Variants in DNAI4 observed in about 807,000 individuals in gnomAD.
The protein encoded by DNAI4 is dynein axonemal intermediate chain 4, also known as WD repeat domain 78.
In DNAI4, 85 loss-of-function variants were observed where a neutral mutation model predicts 105.8. The ratio of observed to expected loss-of-function variants is 0.80; its 90% CI spans 0.67 to 0.96. DNAI4 has a LOEUF of 0.96. Among genes scored for constraint, DNAI4 ranks in the 40% least tolerant of loss-of-function variants. The probability of loss-of-function intolerance (pLI) is 0.00; values close to 1 mark genes in which losing one functional copy is unlikely to be tolerated. For synonymous variants in DNAI4, 352 were observed against 331.5 expected (o/e 1.06, Z -0.67); for missense variants, 1,014 against 1,005.6 (o/e 1.01, Z -0.11).
At chr1:66,909,398 A>C (rs1349961819) in intron 1 of DNAI4, among the ~76,000 whole-genome samples, 1 of 150,496 alleles carries the variant, frequency 6.6e-6, no homozygotes, top group Non-Finnish European at 1.5e-5. Context: ...AGGTCCAATC[A>C]CCTCCACAAT....
intron 7 of DNAI4, among the ~76,000 whole-genome samples, chr1:66,849,162 T>C (rs934383344): frequency 6.6e-6 from 1 of 151,812 alleles, no homozygotes; most frequent in Non-Finnish European, 1.5e-5. Context: ...TGGTGAAGAG[T>C]CAAAACTTTT....
chr1:66,911,558 T>G (rs917417265), intron 1 of DNAI4, among the ~76,000 whole-genome samples: 1 of 152,198 alleles, frequency 6.6e-6, no homozygotes, highest in Non-Finnish European at 1.5e-5. Context: ...TAGAAGGTAC[T>G]AGTCATGGTC....
intron 13 of DNAI4, among the ~76,000 whole-genome samples, chr1:66,832,477 C>T (rs1264316334): frequency 1.3e-5 from 2 of 152,024 alleles, no homozygotes; most frequent in African/African-American, 4.8e-5. Context: ...CAAAGTATCT[C>T]CAGACTGATA....
In DNAI4 at chr1:66,837,733, A is replaced by G; in HGVS notation, c.1558T>C (p.Cys520Arg). The part of the protein sequence containing the change: ...FKEQKRGLAC[C>R]WSIKNPMWPE... ...ACCATGGGATTCTTTATTGACCAGC[A>G]GCAAGCCAGTCCTCTTTTTTGCTCT... Residue 520 changes from cysteine to arginine, a missense_variant, in exon 10 of 17, where the codon TGC becomes CGC. Physicochemically the swap from Cys to Arg is radical, Grantham distance 180. Transcript: ENST00000371026. The G allele has an allele frequency of 6.2e-7, 1 of 1,610,362 alleles. No homozygotes were observed. The highest frequency in any genetic ancestry group is 1.1e-5 in the South Asian group (1 of 89,614).
At chr1:66,819,900 C>CT (rs955324319) in intron 16 of DNAI4, among the ~76,000 whole-genome samples, 74 of 151,794 alleles carry the variant, frequency 4.9e-4, no homozygotes, top group Middle Eastern at 3.4e-3. Context: ...ATCATAGAGA[C>CT]TTTTTTTTTA....
intron 7 of DNAI4, among the ~76,000 whole-genome samples, chr1:66,860,366 CT>C (rs145528075): frequency 2.0e-5 from 3 of 151,686 alleles, no homozygotes; most frequent in Non-Finnish European, 4.4e-5. Context: ...CCATATTTAA[CT>C]TTTTTTTCCT....
intron 1 of DNAI4, among the ~76,000 whole-genome samples, chr1:66,914,029 C>A (rs536527466): frequency 6.7e-6 from 1 of 150,218 alleles, no homozygotes; most frequent in East Asian, 1.9e-4. Context: ...TGGTGACACA[C>A]AGTGGAGTCC....
At chr1:66,896,548 G>A (rs950662520) in intron 2 of DNAI4, among the ~76,000 whole-genome samples, 1 of 152,154 alleles carries the variant, frequency 6.6e-6, no homozygotes, top group South Asian at 2.1e-4. Context: ...ACTTTGGAAG[G>A]TGACTGTGTA....
In DNAI4 at chr1:66,826,837, C is replaced by T. The variant is rs1322334832; in HGVS notation, c.2322G>A (p.Trp774Ter). ...TAACTTACGTGCTGATATGAAGGTC[C>T]CAAATCTCCACCCTGTTCTCATTTG... ...AAANENRVEI[W>*]DLHISTLDPL... is the part of the protein sequence containing the mutation. Residue 774 changes from tryptophan (W) to a stop codon, truncating the protein, a stop_gained, in exon 15 of 17, where the codon TGG (tryptophan) becomes TGA (stop). Transcript: ENST00000371026. LOFTEE classifies it high-confidence loss of function. The T allele has an allele frequency of 6.2e-7, 1 of 1,613,748 alleles. No individual in the cohort carries two copies. Among genetic ancestry groups the T allele is most frequent in the African/African-American group, 1.3e-5 (1 of 74,824 alleles).
At chr1:66,896,261 A>T (rs181672438) in intron 2 of DNAI4, among the ~76,000 whole-genome samples, 9 of 152,326 alleles carry the variant, frequency 5.9e-5, no homozygotes, top group Admixed American at 5.2e-4. Flanking sequence ...GTAATTTTTT[A>T]AAAGCTTTTT....
chr1:66,857,657 C>G (rs189413768), intron 7 of DNAI4, among the ~76,000 whole-genome samples: 7 of 151,958 alleles, frequency 4.6e-5, no homozygotes, highest in African/African-American at 1.7e-4. Flanking sequence ...GCCTCAGCCT[C>G]CCGAATAGCT....
chr1:66,920,531 C>T (rs1386843952), intron 1 of DNAI4, among the ~76,000 whole-genome samples: 1 of 152,130 alleles, frequency 6.6e-6, no homozygotes, highest in East Asian at 1.9e-4. Context: ...CGTGGATACC[C>T]TCCCCTAGAT....
At chr1:66,892,767 T>G (rs113244112) in intron 3 of DNAI4, among the ~76,000 whole-genome samples, 4 of 151,284 alleles carry the variant, frequency 2.6e-5, no homozygotes, top group African/African-American at 9.7e-5. Context: ...ATTAGCCAGG[T>G]GTAGTGGGGG....
At chr1:66,920,650 C>T (rs1000113140) in intron 1 of DNAI4, among the ~76,000 whole-genome samples, 1 of 152,100 alleles carries the variant, frequency 6.6e-6, no homozygotes, top group East Asian at 1.9e-4. Context: ...GGTGGAGCAG[C>T]GAGTGAGTGG....
intron 1 of DNAI4, among the ~76,000 whole-genome samples, chr1:66,913,997 A>G (rs1024295424): frequency 4.6e-5 from 7 of 151,964 alleles, no homozygotes; most frequent in African/African-American, 1.7e-4. Flanking sequence ...AAAAAAAAAA[A>G]AAGAAGGTGG....
intron 7 of DNAI4, among the ~76,000 whole-genome samples, chr1:66,855,282 T>C (rs1381160999): frequency 6.6e-6 from 1 of 152,218 alleles, no homozygotes; most frequent in Non-Finnish European, 1.5e-5. Context: ...TTGCCCATGT[T>C]TTCCCCATCA....
chr1:66,905,021 T>A (rs1649131769), intron 2 of DNAI4, 180 bp downstream of exon 2: 2 of 453,350 alleles, frequency 4.4e-6, no homozygotes, highest in Non-Finnish European at 7.6e-6. Context: ...CAATAACTAG[T>A]TATAGGAGCC....
rs748648195 is a variant in DNAI4, at chr1:66,924,705, G to A, written c.127C>T (p.Pro43Ser). 4 of 1,614,220 alleles carry A rather than the reference G, an allele frequency of 2.5e-6. No individual in the cohort carries two copies. The Admixed American group carries it at 6.7e-5, about 27-fold the overall frequency. ...TTGTGACTGCCTGCCGGAGAGACTG[G>A]CATGGTGGCGACCAGCTGGGGAGTG... The part of the protein sequence containing the change: ...CTTPQLVATM[P>S]VSPAGSHKQQ... Residue 43 changes from proline (P) to serine (S), a missense_variant, in exon 1 of 17, where the codon CCA becomes TCA. Coordinates refer to ENST00000371026, the MANE Select transcript of DNAI4 (RefSeq NM_024763.5).
chr1:66,881,648 C>T (rs1287484090), intron 4 of DNAI4, among the ~76,000 whole-genome samples: 1 of 152,196 alleles, frequency 6.6e-6, no homozygotes, highest in Non-Finnish European at 1.5e-5. Flanking sequence ...TTTACAGGCT[C>T]ATAGGCAGAA....
Sources: gnomAD v4.1 joint callset for allele counts (sites outside exome capture counted in the v4.1 genomes callset) on GRCh38, gnomAD v4.1.1 for gene constraint, MANE v1.5 for transcripts, NCBI Gene and HGNC (gene_info 2026-07-23, HGNC 2026-07-21) for gene names.